Variants in HARS2 observed in about 807,000 individuals in gnomAD.
HARS2 encodes the protein histidyl-tRNA synthetase 2, mitochondrial.
Under a neutral mutation model 62.4 loss-of-function variants are expected in HARS2, and 40 were observed. That is an observed-to-expected ratio of 0.64 (90% CI 0.50 to 0.83). The LOEUF (loss-of-function observed/expected upper bound fraction) is 0.83, where lower values mean the gene tolerates loss of function less well. Ranked by LOEUF, HARS2 falls within the 40% of genes least tolerant of loss-of-function variation. The pLI is 0.00. For missense variants in HARS2, 569 were observed against 626.4 expected (o/e 0.91, Z 0.98); for synonymous variants, 228 against 227.0 (o/e 1.00, Z -0.04).
rs1759853715 is a variant in HARS2 at position 140,698,548 on chromosome 5, C to CT, written c.1519dup (p.Ter507LeufsTer5). The CT allele has an allele frequency of 1.9e-6, 3 of 1,611,028 alleles. No homozygotes were observed. Among genetic ancestry groups the CT allele is most frequent in the Non-Finnish European group, 2.5e-6 (3 of 1,177,176 alleles). Reference sequence around the variant, plus strand: ...GAAATTCAGAAGCGACTGTCTGAGTCTTGATCCTTGCCTGATTCCCATCTG... The same window carrying CT: ...GAAATTCAGAAGCGACTGTCTGAGTCTTTGATCCTTGCCTGATTCCCATCTG... On this transcript the variant is annotated frameshift_variant, in exon 13 of 13. Transcript: ENST00000230771. LOFTEE classifies it high-confidence loss of function.
At chr5:140,694,164 C>T (rs2149852594) in intron 3 of HARS2, 21 bp from the exon 4 acceptor site, 1 of 1,604,816 alleles carries the variant, frequency 6.2e-7, no homozygotes, top group Non-Finnish European at 8.5e-7. Flanking sequence ...AACTGTGGCT[C>T]ATTCTGTTTG....
In HARS2 at chr5:140,698,134, C is replaced by G. The variant is rs1295090392; in HGVS notation, c.1461+56C>G. 42 of 1,527,614 alleles carry G rather than the reference C, an allele frequency of 2.7e-5. No homozygotes were observed. In the East Asian group the frequency reaches 7.7e-4, roughly 28 times the overall value. The allele number at this position is 1,527,614 out of a possible 1,614,324, so 94.6% of individuals were successfully genotyped here. On this transcript the variant is annotated intron_variant, in intron 12 of 12. Transcript: ENST00000230771. Reference sequence around the variant, plus strand: ...GAAGTATTTCTGCCTTTCCCAGATTCTGTAAGAAATATGCATCTTCTGGCT... The same window carrying G: ...GAAGTATTTCTGCCTTTCCCAGATTGTGTAAGAAATATGCATCTTCTGGCT...
At chr5:140,698,343 G>A (rs890756133) in intron 12 of HARS2, 150 bp from the exon 13 acceptor site, 3 of 784,762 alleles carry the variant, frequency 3.8e-6, no homozygotes, top group South Asian at 1.4e-5. Flanking sequence ...CATCTTGAGG[G>A]TATACATTCT....
Position 140,696,182 on chromosome 5 carries a change from C to A in HARS2, c.713C>A (p.Ser238Tyr). ...AGCAAGTTCCGTGCCATCTGCTCCT[C>A]CATAGATAAACTAGACAAGGTAACA... ...PESKFRAICS[S>Y]IDKLDKMAWK... The change falls in exon 7 of 13, where the codon TCC becomes TAC. Residue 238 changes from serine to tyrosine, a missense_variant. Ser to Tyr is a moderately radical substitution (Grantham distance 144). Transcript: ENST00000230771. The A allele has an allele frequency of 6.2e-7, 1 of 1,610,660 alleles. No homozygotes were observed. The highest frequency in any genetic ancestry group is 8.5e-7 in the Non-Finnish European group (1 of 1,176,908).
intron 1 of HARS2, 29 bp from the exon 2 acceptor site, chr5:140,693,562 G>T: frequency 1.9e-6 from 3 of 1,614,018 alleles, no homozygotes; most frequent in Non-Finnish European, 2.5e-6. Context: ...GTCCAGAGAA[G>T]CCACATCTCA....
chr5:140,695,431 C>G, intron 4 of HARS2, 77 bp from the exon 5 acceptor site: 1 of 1,106,158 alleles, frequency 9.0e-7, no homozygotes, highest in Non-Finnish European at 1.3e-6. Flanking sequence ...AGATCCAGGC[C>G]CAGTCCTCCC....
chr5:140,694,100 A>G (rs377730406), intron 3 of HARS2, 46 bp downstream of exon 3: 46 of 1,612,846 alleles, frequency 2.9e-5, no homozygotes, highest in Middle Eastern at 3.3e-4. Context: ...CACTTCTTCA[A>G]TGGCGTTCAG....
chr5:140,692,819 G>A (rs1759567890), intron 1 of HARS2, among the ~76,000 whole-genome samples: 1 of 151,980 alleles, frequency 6.6e-6, no homozygotes, highest in African/African-American at 2.4e-5. Flanking sequence ...CTTGAACCCG[G>A]GAGGCGGAGG....
intron 10 of HARS2, 62 bp downstream of exon 10, chr5:140,697,468 T>G: frequency 6.2e-7 from 1 of 1,609,166 alleles, no homozygotes; most frequent in South Asian, 1.1e-5. Flanking sequence ...TTTCTGGAGG[T>G]GTAGTTGGAG....
intron 7 of HARS2, 82 bp downstream of exon 7, chr5:140,696,283 A>T (rs1428211037): frequency 1.8e-6 from 2 of 1,082,512 alleles, no homozygotes; most frequent in African/African-American, 3.1e-5. Flanking sequence ...AAAAATAAGG[A>T]GATTGTGGCT....
At position 140,699,140 on chromosome 5, in the gene HARS2, A is replaced by T. The variant is rs1021529271; in HGVS notation, c.*588A>T. 2 of 167,882 alleles carry T rather than the reference A, an allele frequency of 1.2e-5. No individual in the cohort carries two copies. The highest frequency in any genetic ancestry group is 4.8e-5 in the African/African-American group (2 of 41,694). The allele number at this position is 167,882 out of a possible 1,614,324, so 10.4% of individuals were successfully genotyped here. ...AGAAGAGTGGGGCTGTATGCTTGAT[A>T]ATCTTGAACATTGAACTTAATAGAT... On this transcript the variant is annotated 3_prime_UTR_variant, in exon 13 of 13. Transcript: ENST00000230771.
Position 140,696,197 on chromosome 5 carries a change from A to C in HARS2, c.728A>C (p.Asp243Ala), listed in dbSNP as rs761425145. 3.7e-6 allele frequency: 6 copies of C among 1,601,116 alleles called. No homozygotes were observed. The Admixed American group carries it at 5.0e-5, about 13-fold the overall frequency. The change falls in exon 7 of 13, where the codon GAC becomes GCC. Residue 243 changes from aspartate (D) to alanine (A), a missense_variant. Asp to Ala is a moderately radical substitution (Grantham distance 126, BLOSUM62 -2). Transcript: ENST00000230771. ...RAICSSIDKL[D>A]KMAWKDVRHE... ...ATCTGCTCCTCCATAGATAAACTAG[A>C]CAAGGTAACAAAGAAGACATACTTC...
intron 1 of HARS2, 188 bp from the exon 2 acceptor site, chr5:140,693,403 A>C: frequency 8.8e-7 from 1 of 1,138,874 alleles, no homozygotes; most frequent in Non-Finnish European, 1.3e-6. Flanking sequence ...TATATATTAC[A>C]CGTGTAATTG....
intron 8 of HARS2, 93 bp from the exon 9 acceptor site, chr5:140,696,850 T>TA: frequency 1.0e-6 from 1 of 964,846 alleles, no homozygotes; most frequent in Admixed American, 2.4e-5. Flanking sequence ...TTTTTTTTTT[T>TA]AAAGAAAATG....
intron 12 of HARS2, 80 bp from the exon 13 acceptor site, chr5:140,698,412 TA>T: frequency 9.2e-7 from 1 of 1,082,760 alleles, no homozygotes; most frequent in Non-Finnish European, 1.4e-6. Context: ...AGATGCAGAG[TA>T]AAACAAATCT....
chr5:140,692,847 G>A (rs1399761714), intron 1 of HARS2, among the ~76,000 whole-genome samples: 1 of 151,516 alleles, frequency 6.6e-6, no homozygotes, highest in Non-Finnish European at 1.5e-5. Flanking sequence ...AGCTGAGATC[G>A]TGCCACTGCA....
intron 1 of HARS2, among the ~76,000 whole-genome samples, chr5:140,692,753 C>T (rs1019060403): frequency 1.3e-5 from 2 of 151,912 alleles, no homozygotes; most frequent in African/African-American, 2.4e-5. Context: ...ATTAGCCGGG[C>T]GTGGTGGCAT....
In HARS2 at chr5:140,696,529, G is replaced by A; in HGVS notation, c.741G>A (p.Trp247Ter). The change falls in exon 8 of 13, where the codon TGG becomes TGA. Residue 247 changes from tryptophan (W) to a stop codon, truncating the protein, a stop_gained. Transcript: ENST00000230771. LOFTEE classifies it high-confidence loss of function. ...TTTGGGTGTTTATGCAGATGGCTTG[G>A]AAAGATGTGAGACATGAGATGGTGG... ...SSIDKLDKMAWKDVRHEMVVK... is the reference protein window; with the variant it reads ...SSIDKLDKMA 1 of 1,613,064 alleles carries A rather than the reference G, an allele frequency of 6.2e-7. No individual in the cohort carries two copies. The highest frequency in any genetic ancestry group is 8.5e-7 in the Non-Finnish European group (1 of 1,178,998).
At position 140,691,928 on chromosome 5, in the gene HARS2, A is replaced by G. The variant is rs1759508974; in HGVS notation, c.108+172A>G. The G allele has an allele frequency of 2.9e-5, 18 of 622,674 alleles. 1 individual carries two copies. The South Asian group carries it at 3.3e-4, about 11-fold the overall frequency. 38.6% of individuals were successfully genotyped at this position (622,674 alleles called of 1,614,324 possible). A position where few individuals can be genotyped will look rare whatever the true frequency, so the allele number is the denominator to read the frequency against. On this transcript the variant is annotated intron_variant, in intron 1 of 12. Transcript: ENST00000230771. ...GCCTGGTCATTTAATCCTTGGAGCA[A>G]TCTTGAGAGGTTGGAGTTTTGATTT...
Sources: allele counts gnomAD v4.1 joint callset (sites outside exome capture counted in the v4.1 genomes callset), GRCh38; gene constraint gnomAD v4.1.1; transcripts MANE v1.5; gene names NCBI Gene and HGNC (gene_info 2026-07-23, HGNC 2026-07-21).